PM20D2: variants seen among roughly 807,000 people sequenced by gnomAD.
PM20D2 encodes xaa-Arg dipeptidase.
Under a neutral mutation model 42.9 loss-of-function variants are expected in PM20D2, and 33 were observed. That is an observed-to-expected ratio of 0.77 (90% CI 0.58 to 1.03). PM20D2 has a LOEUF of 1.03. Among genes scored for constraint, PM20D2 ranks in the 50% least tolerant of loss-of-function variants. The pLI is 0.00. For synonymous variants in PM20D2, 250 were observed against 228.2 expected (o/e 1.10, Z -0.86); for missense variants, 548 against 557.0 (o/e 0.98, Z 0.16).
chr6:89,130,819 C>CT, the PM20D2 span, among the ~76,000 whole-genome samples: 908 of 24,076 alleles, frequency 0.038, 122 homozygotes, highest in Non-Finnish European at 0.055. Context: ...GCTTCTTCTT[C>CT]TTTTTTTTTT....
At chr6:89,119,944 C>T in the PM20D2 span, among the ~76,000 whole-genome samples, 7 of 152,212 alleles carry the variant, frequency 4.6e-5, no homozygotes, top group African/African-American at 1.7e-4. Context: ...TGTATTAGTC[C>T]GTTTTCACAC....
At chr6:89,120,594 G>A in the PM20D2 span, among the ~76,000 whole-genome samples, 2 of 152,064 alleles carry the variant, frequency 1.3e-5, no homozygotes, top group Non-Finnish European at 2.9e-5. Context: ...GCCAGGCGTG[G>A]TGACTCATGC....
chr6:89,143,541 A>G (rs577825455), upstream of PM20D2, among the ~76,000 whole-genome samples: 2 of 152,252 alleles, frequency 1.3e-5, no homozygotes, highest in South Asian at 4.2e-4. Flanking sequence ...CCCCCCCAAA[A>G]AGGTTATACA....
the PM20D2 span, chr6:89,098,625 G>A: frequency 1.2e-5 from 19 of 1,613,488 alleles, no homozygotes; most frequent in Middle Eastern, 1.6e-4. Context: ...GAATGTGACC[G>A]AAAATGAGAA....
intron 1 of PM20D2, chr6:89,148,574 A>C: frequency 1.0e-6 from 1 of 981,536 alleles, no homozygotes; most frequent in Middle Eastern, 5.2e-4. Flanking sequence ...GAATCGAATT[A>C]GTAAGTTTGT....
chr6:89,107,220 G>A, the PM20D2 span: 1 of 1,614,038 alleles, frequency 6.2e-7, no homozygotes, highest in Non-Finnish European at 8.5e-7. Flanking sequence ...GTCTACTATA[G>A]GGCCATATCG....
At chr6:89,124,387 T>C in the PM20D2 span, among the ~76,000 whole-genome samples, 1 of 152,268 alleles carries the variant, frequency 6.6e-6, no homozygotes, top group African/African-American at 2.4e-5. Context: ...TCTTTAATTT[T>C]TGAGAGACGT....
At chr6:89,107,600 G>A in the PM20D2 span, among the ~76,000 whole-genome samples, 2 of 151,968 alleles carry the variant, frequency 1.3e-5, no homozygotes, top group Non-Finnish European at 2.9e-5. Flanking sequence ...GTGTGGTAGC[G>A]TGTGCCTGTA....
chr6:89,110,028 T>TTG, the PM20D2 span, among the ~76,000 whole-genome samples: 28 of 152,224 alleles, frequency 1.8e-4, no homozygotes, highest in Admixed American at 5.9e-4. Context: ...GAGGCGGAGC[T>TTG]TGCAGTGAGC....
chr6:89,141,658 G>T (rs992754148), upstream of PM20D2, among the ~76,000 whole-genome samples: 3 of 152,030 alleles, frequency 2.0e-5, no homozygotes, highest in African/African-American at 7.2e-5. Context: ...GAGCCACCAC[G>T]CCTGGCCTGC....
At chr6:89,158,275 A>G (rs766942567) in intron 4 of PM20D2, 50 bp from the exon 5 acceptor site, 3 of 1,483,098 alleles carry the variant, frequency 2.0e-6, no homozygotes, top group Admixed American at 4.4e-5. Context: ...AAAATTAGAT[A>G]GTGAATTTGA....
chr6:89,132,710 C>T, the PM20D2 span, among the ~76,000 whole-genome samples: 1 of 150,456 alleles, frequency 6.6e-6, no homozygotes, highest in Non-Finnish European at 1.5e-5. Context: ...TGGTGGCACA[C>T]ACCTGTAATC....
the PM20D2 span, chr6:89,105,200 G>A: frequency 6.2e-7 from 1 of 1,612,044 alleles, no homozygotes. Context: ...GGGGCTTCTT[G>A]ATCTCCTGTG....
At chr6:89,157,329 A>G (rs906649422) in intron 4 of PM20D2, among the ~76,000 whole-genome samples, 1 of 152,208 alleles carries the variant, frequency 6.6e-6, no homozygotes, top group Non-Finnish European at 1.5e-5. Context: ...AGATGTTGCT[A>G]AGAATAAAAG....
chr6:89,149,620 ATAG>A (rs1770758926), intron 2 of PM20D2, among the ~76,000 whole-genome samples: 1 of 152,246 alleles, frequency 6.6e-6, no homozygotes, highest in Admixed American at 6.5e-5. Context: ...GAGTATTAAA[ATAG>A]TAGCACTTAG....
the PM20D2 span, chr6:89,105,489 A>AG: frequency 1.2e-6 from 2 of 1,610,428 alleles, no homozygotes; most frequent in Non-Finnish European, 1.7e-6. Context: ...CTTTCTATTG[A>AG]GGTTATAAAG....
rs918936863 is a variant in PM20D2 at position 89,153,768 on chromosome 6, ATAT to A, written c.757+585_757+587del. On this transcript the variant is annotated intron_variant, in intron 3 of 6. Coordinates refer to ENST00000275072, the MANE Select transcript of PM20D2 (RefSeq NM_001010853.3). ...AGGCAGACACCACCAAACCCAGCTAATATTTGTATTTTTTGCAGAGACGGGGTC... is the reference window on the plus strand; with the variant it reads ...AGGCAGACACCACCAAACCCAGCTAATTGTATTTTTTGCAGAGACGGGGTC... Among the ~76,000 whole-genome samples, 21 of 152,078 alleles carry A rather than the reference ATAT, an allele frequency of 1.4e-4. 1 individual carries two copies. Among genetic ancestry groups the A allele is most frequent in the Admixed American group, 5.9e-4 (9 of 15,268 alleles).
At chr6:89,140,275 T>A in the PM20D2 span, among the ~76,000 whole-genome samples, 1 of 151,838 alleles carries the variant, frequency 6.6e-6, no homozygotes, top group African/African-American at 2.4e-5. Flanking sequence ...AACACACATA[T>A]TTTTATTAAT....
intron 2 of PM20D2, among the ~76,000 whole-genome samples, chr6:89,151,416 G>C (rs1283799305): frequency 3.3e-5 from 5 of 151,888 alleles, no homozygotes; most frequent in Non-Finnish European, 7.4e-5. Context: ...TTTTAGTAGA[G>C]ACAGGGTCAC....
Sources: gnomAD v4.1 joint callset for allele counts (sites outside exome capture counted in the v4.1 genomes callset) on GRCh38, gnomAD v4.1.1 for gene constraint, MANE v1.5 for transcripts, NCBI Gene and HGNC (gene_info 2026-07-23, HGNC 2026-07-21) for gene names.